Variants in NFIA observed in about 807,000 individuals in gnomAD.
NFIA encodes nuclear factor 1 A-type.
NFIA carries 8 observed loss-of-function variants against 62.8 expected under a neutral mutation model. The observed-to-expected ratio is 0.13, with a 90% confidence interval of 0.07 to 0.23. The LOEUF (loss-of-function observed/expected upper bound fraction) is 0.23, where lower values mean the gene tolerates loss of function less well. Ranked by LOEUF, NFIA falls within the 10% of genes least tolerant of loss-of-function variation. The pLI, the probability that NFIA is intolerant of heterozygous loss-of-function variation, is 1.00. For synonymous variants in NFIA, 235 were observed against 238.1 expected, an observed-to-expected ratio of 0.99 and a Z score of 0.12; for missense variants, 410 against 642.1, an observed-to-expected ratio of 0.64 and a Z score of 3.91.
intron 2 of NFIA, among the ~76,000 whole-genome samples, chr1:61,123,979 A>AT (rs1384164054): frequency 1.3e-5 from 2 of 152,220 alleles, no homozygotes; most frequent in Non-Finnish European, 2.9e-5. Flanking sequence ...GGCAAAACAG[A>AT]TTCCTTTTTC....
intron 3 of NFIA, among the ~76,000 whole-genome samples, chr1:61,311,120 A>G (rs1320622464): frequency 4.6e-5 from 7 of 152,204 alleles, no homozygotes; most frequent in Non-Finnish European, 1.0e-4. Context: ...GGCCAGGTGC[A>G]GTGGCTCACG....
intron 2 of NFIA, among the ~76,000 whole-genome samples, chr1:61,099,418 T>C (rs1646471375): frequency 6.6e-6 from 1 of 152,216 alleles, no homozygotes; most frequent in Admixed American, 6.5e-5. Context: ...TTCATTTTGC[T>C]TTGTGATAGA....
chr1:61,128,831 A>G (rs573806748), intron 2 of NFIA, among the ~76,000 whole-genome samples: 1 of 151,818 alleles, frequency 6.6e-6, no homozygotes, highest in Non-Finnish European at 1.5e-5. Context: ...CTCTACAGAT[A>G]AGGATACTTA....
At chr1:61,407,220 A>C (rs1244611022) in intron 9 of NFIA, among the ~76,000 whole-genome samples, 1 of 152,168 alleles carries the variant, frequency 6.6e-6, no homozygotes, top group South Asian at 2.1e-4. Context: ...ATTCGCTGAG[A>C]GTAAGAGCCT....
intron 6 of NFIA, among the ~76,000 whole-genome samples, chr1:61,362,687 A>T (rs1663362750): frequency 6.6e-6 from 1 of 152,196 alleles, no homozygotes; most frequent in Non-Finnish European, 1.5e-5. Flanking sequence ...AGGGCATAGG[A>T]GATTAAAGAT....
intron 2 of NFIA, among the ~76,000 whole-genome samples, chr1:61,177,261 C>T (rs1650441309): frequency 6.6e-6 from 1 of 152,108 alleles, no homozygotes; most frequent in Non-Finnish European, 1.5e-5. Flanking sequence ...TCCCTCCTTC[C>T]CACATTTGGG....
intron 10 of NFIA, among the ~76,000 whole-genome samples, chr1:61,447,467 T>C (rs992514139): frequency 6.6e-6 from 1 of 152,166 alleles, no homozygotes; most frequent in Non-Finnish European, 1.5e-5. Context: ...ATAATAAACA[T>C]GAGGCCCAAG....
intron 2 of NFIA, among the ~76,000 whole-genome samples, chr1:61,236,430 GTTAT>G (rs1231782559): frequency 2.0e-5 from 3 of 152,062 alleles, no homozygotes; most frequent in Non-Finnish European, 4.4e-5. Context: ...TAATTTTTAC[GTTAT>G]TTATTTGATA....
chr1:61,261,634 A>T (rs1656780240), intron 2 of NFIA, among the ~76,000 whole-genome samples: 1 of 152,210 alleles, frequency 6.6e-6, no homozygotes, highest in South Asian at 2.1e-4. Flanking sequence ...ACTAAACAGG[A>T]ATAATAAAGT....
intron 2 of NFIA, among the ~76,000 whole-genome samples, chr1:61,143,708 A>T (rs1040152091): frequency 6.6e-6 from 1 of 152,036 alleles, no homozygotes; most frequent in African/African-American, 2.4e-5. Flanking sequence ...GTTATTTCTG[A>T]TCCACTAGGT....
At chr1:61,226,117 T>C (rs1290903683) in intron 2 of NFIA, among the ~76,000 whole-genome samples, 1 of 152,148 alleles carries the variant, frequency 6.6e-6, no homozygotes, top group African/African-American at 2.4e-5. Context: ...AAGAAAGTAG[T>C]ATTTGTGTAA....
At chr1:61,254,575 G>GAA (rs1157922866) in intron 2 of NFIA, among the ~76,000 whole-genome samples, 1 of 151,752 alleles carries the variant, frequency 6.6e-6, no homozygotes, top group Non-Finnish European at 1.5e-5. Context: ...GGAGCCATGT[G>GAA]AAAAAAAATA....
chr1:61,451,239 A>G (rs1210538490), intron 10 of NFIA, among the ~76,000 whole-genome samples: 1 of 152,148 alleles, frequency 6.6e-6, no homozygotes, highest in Non-Finnish European at 1.5e-5. Flanking sequence ...ACTTTCATGG[A>G]GCTGTAAATT....
At chr1:61,444,234 A>G (rs1046124295) in intron 10 of NFIA, among the ~76,000 whole-genome samples, 1 of 152,228 alleles carries the variant, frequency 6.6e-6, no homozygotes, top group Non-Finnish European at 1.5e-5. Flanking sequence ...ATTTTCAACT[A>G]TAATGTTAAC....
At chr1:61,343,301 C>T (rs949647255) in intron 4 of NFIA, among the ~76,000 whole-genome samples, 1 of 152,150 alleles carries the variant, frequency 6.6e-6, no homozygotes, top group South Asian at 2.1e-4. Flanking sequence ...CTTCCTGATT[C>T]GGAGTGGGGT....
At chr1:61,152,269 A>G (rs1648472478) in intron 2 of NFIA, among the ~76,000 whole-genome samples, 1 of 152,164 alleles carries the variant, frequency 6.6e-6, no homozygotes, top group Admixed American at 6.5e-5. Context: ...GCCAGACTGA[A>G]CTTCAACCTT....
intron 2 of NFIA, among the ~76,000 whole-genome samples, chr1:61,260,720 A>G (rs1356526580): frequency 1.3e-5 from 2 of 152,036 alleles, no homozygotes; most frequent in African/African-American, 4.8e-5. Flanking sequence ...AACTGGGACT[A>G]CAGGCGCCCA....
chr1:61,391,435 AACACACACACACACACACACACACAC>A (rs60938787), intron 7 of NFIA, among the ~76,000 whole-genome samples: 16 of 124,676 alleles, frequency 1.3e-4, no homozygotes, highest in African/African-American at 3.2e-4. Context: ...TTATGAATCA[AACACACACACACACACACACACACAC>A]ACACACACAC....
intron 2 of NFIA, among the ~76,000 whole-genome samples, chr1:61,179,066 A>G (rs998723173): frequency 6.6e-6 from 1 of 152,200 alleles, no homozygotes; most frequent in Non-Finnish European, 1.5e-5. Flanking sequence ...CCACTTTGCC[A>G]TGTGGACAGA....
Sources: gnomAD v4.1 joint callset for allele counts (sites outside exome capture counted in the v4.1 genomes callset) on GRCh38, gnomAD v4.1.1 for gene constraint, MANE v1.5 for transcripts, NCBI Gene and HGNC (gene_info 2026-07-23, HGNC 2026-07-21) for gene names.